Variants in SMCHD1 observed in about 807,000 individuals in gnomAD.
SMCHD1 encodes structural maintenance of chromosomes flexible hinge domain-containing protein 1.
SMCHD1 carries 78 observed loss-of-function variants against 254.7 expected under a neutral mutation model. The observed-to-expected ratio is 0.31, with a 90% CI of 0.26 to 0.37. The LOEUF is 0.37. SMCHD1 is among the 10% of genes least tolerant of loss of function. SMCHD1 has a pLI of 1.00. For missense variants in SMCHD1, 1,840 were observed against 2,408.1 expected (o/e 0.76, Z 4.94); for synonymous variants, 766 against 794.9 (o/e 0.96, Z 0.61).
intron 3 of SMCHD1, among the ~76,000 whole-genome samples, chr18:2,671,131 T>TC (rs1278493985): frequency 6.6e-6 from 1 of 151,492 alleles, no homozygotes; most frequent in African/African-American, 2.4e-5. Flanking sequence ...AGATGGGGTT[T>TC]CTCCATGTTG....
chr18:2,675,497 T>A (rs2073725640), intron 5 of SMCHD1, among the ~76,000 whole-genome samples: 1 of 152,116 alleles, frequency 6.6e-6, no homozygotes, highest in Non-Finnish European at 1.5e-5. Context: ...ACTCCTGACC[T>A]GGTGATCCGC....
At position 2,707,808 on chromosome 18, in the gene SMCHD1, T is replaced by C; in HGVS notation, c.2148T>C (p.Gly716=). 6.3e-7 allele frequency: 1 copy of C among 1,599,826 alleles called. No homozygotes were observed. Among genetic ancestry groups the C allele is most frequent in the Non-Finnish European group, 8.5e-7 (1 of 1,173,892 alleles). Residue 716 remains glycine (G), a splice_region_variant and synonymous_variant, in exon 17 of 48, where the codon GGT becomes GGC. Coordinates refer to ENST00000320876, the MANE Select transcript of SMCHD1 (RefSeq NM_015295.3). ...ATACTTTTAATTTTTGACTCATAGGTGCGTTAAGAATTGAAATACTGAATA... is the reference window on the plus strand; with the variant it reads ...ATACTTTTAATTTTTGACTCATAGGCGCGTTAAGAATTGAAATACTGAATA... ...NEVRPAGTPI[G]ALRIEILNKK... is the part of the protein sequence containing the mutation.
Position 2,748,370 on chromosome 18 carries a change from GTGTGTGTGTGTGTA to G in SMCHD1, c.3927+725_3927+738del, listed in dbSNP as rs1265841573. Reference sequence around the variant, plus strand: ...TGTGTGTGTGTGTGTGTGTGTGTGTGTGTGTGTGTGTGTATATAAATTTTTTTTTTTTTTTTTTT... The same window carrying G: ...TGTGTGTGTGTGTGTGTGTGTGTGTGTATAAATTTTTTTTTTTTTTTTTTT... On this transcript the variant is annotated intron_variant, in intron 30 of 47. Transcript: ENST00000320876. Among the ~76,000 whole-genome samples, 29 of 40,570 alleles carry G rather than the reference GTGTGTGTGTGTGTA, an allele frequency of 7.1e-4. 1 individual carries two copies. The highest frequency in any genetic ancestry group is 2.2e-3 in the African/African-American group (26 of 12,016). 26.6% of individuals were successfully genotyped at this position (40,570 alleles called of 152,430 possible).
intron 37 of SMCHD1, among the ~76,000 whole-genome samples, chr18:2,765,069 G>T (rs56843374): frequency 2.0e-5 from 3 of 151,812 alleles, no homozygotes; most frequent in African/African-American, 7.3e-5. Context: ...TATTTTTGTC[G>T]AATATTTTTT....
At chr18:2,777,074 A>T (rs1323444967) in intron 42 of SMCHD1, among the ~76,000 whole-genome samples, 2 of 112,998 alleles carry the variant, frequency 1.8e-5, no homozygotes, top group Admixed American at 9.8e-5. Flanking sequence ...CCCCCCCCAT[A>T]CCCTAATACT....
At chr18:2,708,026 G>A (rs1275220600) in intron 17 of SMCHD1, 106 bp downstream of exon 17, 1 of 598,206 alleles carries the variant, frequency 1.7e-6, no homozygotes, top group Non-Finnish European at 2.7e-6. Flanking sequence ...GATAGGCATA[G>A]CAAATTTTAT....
intron 21 of SMCHD1, among the ~76,000 whole-genome samples, 196 bp downstream of exon 21, chr18:2,725,191 C>T (rs1364344673): frequency 2.0e-5 from 3 of 151,972 alleles, no homozygotes; most frequent in Non-Finnish European, 4.4e-5. Context: ...ACATTTACTA[C>T]TGTTGTTGAT....
At chr18:2,797,925 AAG>A (rs1472893474) in intron 47 of SMCHD1, among the ~76,000 whole-genome samples, 2 of 152,222 alleles carry the variant, frequency 1.3e-5, no homozygotes, top group African/African-American at 4.8e-5. Context: ...CTCAAAAAAA[AAG>A]AAAGAAAATA....
In SMCHD1 at chr18:2,693,622, TTTTGTTTGTTTG is replaced by T. The variant is rs77752065; in HGVS notation, c.874-885_874-874del. The stretch of plus-strand genomic sequence containing the variant: ...AACGCGCATGCGTGCATACCATGTT[TTTTGTTTGTTTG>T]TTTGTTTGTTTGTTTGTTTTTTGAG... On this transcript the variant is annotated intron_variant, in intron 7 of 47. Coordinates refer to ENST00000320876, the MANE Select transcript of SMCHD1 (RefSeq NM_015295.3). Among the ~76,000 whole-genome samples, 954 of 149,356 alleles carry T rather than the reference TTTTGTTTGTTTG, an allele frequency of 6.4e-3. 11 individuals carry two copies. Among genetic ancestry groups the T allele is most frequent in the African/African-American group, 0.023 (896 of 39,036 alleles).
intron 17 of SMCHD1, among the ~76,000 whole-genome samples, chr18:2,708,580 C>G (rs1485251684): frequency 3.4e-5 from 5 of 147,974 alleles, no homozygotes; most frequent in Non-Finnish European, 7.4e-5. Context: ...CCTTCATCTT[C>G]AAAGCCAGCA....
At chr18:2,703,996 T>C in intron 13 of SMCHD1, 110 bp downstream of exon 13, 3 of 838,102 alleles carry the variant, frequency 3.6e-6, no homozygotes, top group Non-Finnish European at 5.1e-6. Flanking sequence ...TTTCTTTTTT[T>C]CCCATTCTCA....
At chr18:2,675,648 A>G (rs1161152579) in intron 5 of SMCHD1, among the ~76,000 whole-genome samples, 1 of 152,212 alleles carries the variant, frequency 6.6e-6, no homozygotes, top group African/African-American at 2.4e-5. Flanking sequence ...GAGAAGGCAA[A>G]GACCACTGTC....
At chr18:2,746,592 T>G (rs758723300) in intron 29 of SMCHD1, among the ~76,000 whole-genome samples, 3 of 152,216 alleles carry the variant, frequency 2.0e-5, no homozygotes, top group Non-Finnish European at 4.4e-5. Context: ...GTTTTTTTCA[T>G]AATGTCTTAT....
intron 10 of SMCHD1, among the ~76,000 whole-genome samples, chr18:2,699,052 A>G (rs2143166269): frequency 6.6e-6 from 1 of 152,258 alleles, no homozygotes; most frequent in South Asian, 2.1e-4. Context: ...TAGGTTAACA[A>G]TATTAAACTT....
rs147792518 is a variant in SMCHD1, at chr18:2,794,032, A to G, written c.5720-1917A>G. ...TTTGAATGTTTATATGTCCATTTCCATGGATATTGATCATCTTGGTGTGTG... is the reference window on the plus strand; with the variant it reads ...TTTGAATGTTTATATGTCCATTTCCGTGGATATTGATCATCTTGGTGTGTG... On this transcript the variant is annotated intron_variant, in intron 45 of 47. Transcript: ENST00000320876. Among the ~76,000 whole-genome samples the G allele has an allele frequency of 2.6e-5, 4 of 152,308 alleles. No homozygotes were observed. The East Asian group carries it at 7.7e-4, about 29-fold the overall frequency.
At chr18:2,735,092 C>T (rs1310044880) in intron 25 of SMCHD1, among the ~76,000 whole-genome samples, 3 of 151,798 alleles carry the variant, frequency 2.0e-5, no homozygotes, top group East Asian at 1.9e-4. Context: ...TAATTCACCA[C>T]GAACAAGTAG....
intron 21 of SMCHD1, 86 bp from the exon 22 acceptor site, chr18:2,726,366 C>T (rs1282060816): frequency 1.4e-5 from 10 of 695,054 alleles, no homozygotes; most frequent in East Asian, 3.4e-5. Context: ...GAAAATAAAA[C>T]CAAAATATAA....
intron 12 of SMCHD1, among the ~76,000 whole-genome samples, chr18:2,702,521 G>T (rs1339760819): frequency 6.7e-6 from 1 of 150,222 alleles, no homozygotes. Context: ...CATTTTGGTT[G>T]TCAGACTTTC....
At position 2,796,450 on chromosome 18, in the gene SMCHD1, A is replaced by G. The variant is rs1172352694; in HGVS notation, c.5922A>G (p.Ser1974=). The G allele has an allele frequency of 1.9e-6, 3 of 1,605,922 alleles. No homozygotes were observed. The highest frequency in any genetic ancestry group is 8.5e-7 in the Non-Finnish European group (1 of 1,176,168). Residue 1974 remains serine, a synonymous_variant, in exon 47 of 48, where the codon TCA becomes TCG. Coordinates refer to ENST00000320876, the MANE Select transcript of SMCHD1 (RefSeq NM_015295.3). ...IRKCNDSLRH[S]PKVETTDCPV... is the part of the protein sequence containing the mutation. The stretch of plus-strand genomic sequence containing the variant: ...AGTGTAATGACTCATTGCGTCATTC[A>G]CCAAAGGTTGAGACGACAGATTGTC...
Sources: allele counts gnomAD v4.1 joint callset (sites outside exome capture counted in the v4.1 genomes callset), GRCh38; gene constraint gnomAD v4.1.1; transcripts MANE v1.5; gene names NCBI Gene and HGNC (gene_info 2026-07-23, HGNC 2026-07-21).